Variants in AFF3 observed in about 807,000 individuals in gnomAD.
The protein encoded by AFF3 is AF4/FMR2 family member 3.
Under a neutral mutation model 129.7 loss-of-function variants are expected in AFF3, and 32 were observed. The ratio of observed to expected loss-of-function variants is 0.25; its 90% confidence interval spans 0.19 to 0.33. The LOEUF is 0.33. Among genes scored for constraint, AFF3 ranks in the 10% least tolerant of loss-of-function variants. The pLI is 1.00. For synonymous variants in AFF3, 644 were observed against 635.4 expected (o/e 1.01, Z -0.20); for missense variants, 1,373 against 1,592.0 (o/e 0.86, Z 2.34).
intron 4 of AFF3, among the ~76,000 whole-genome samples, chr2:100,073,386 C>T (rs1414627567): frequency 6.6e-6 from 1 of 152,174 alleles, no homozygotes; most frequent in East Asian, 1.9e-4. Flanking sequence ...CAGCATCCAC[C>T]AGAAGCTGGA....
intron 7 of AFF3, among the ~76,000 whole-genome samples, chr2:99,844,134 G>A (rs1689530576): frequency 6.6e-6 from 1 of 152,146 alleles, no homozygotes; most frequent in Non-Finnish European, 1.5e-5. Flanking sequence ...AAGGGACTGA[G>A]CTAGACTTCT....
At chr2:99,681,626 G>A (rs886709187) in intron 11 of AFF3, among the ~76,000 whole-genome samples, 2 of 152,122 alleles carry the variant, frequency 1.3e-5, no homozygotes, top group African/African-American at 4.8e-5. Flanking sequence ...GAGCTCTTTC[G>A]ACTTTGTGTC....
intron 7 of AFF3, among the ~76,000 whole-genome samples, chr2:99,888,986 C>T (rs1393068036): frequency 2.0e-5 from 3 of 152,156 alleles, no homozygotes; most frequent in Non-Finnish European, 4.4e-5. Context: ...ATTTGACTGC[C>T]ATAAAAATAA....
Position 99,776,922 on chromosome 2 carries a change from G to C in AFF3, c.922-24621C>G, listed in dbSNP as rs79772480. Among the ~76,000 whole-genome samples, 1,483 of 152,244 alleles carry C rather than the reference G, an allele frequency of 9.7e-3. 19 individuals carry two copies. Among genetic ancestry groups the C allele is most frequent in the African/African-American group, 0.031 (1,276 of 41,536 alleles). ...CTACATGAGTTGATGAAGAGTTTGT[G>C]GGGGGCACTGGGCCGAGCATGTCAA... On this transcript the variant is annotated intron_variant, in intron 8 of 24. Transcript: ENST00000672756.
At chr2:100,026,861 A>G (rs1327790904) in intron 4 of AFF3, among the ~76,000 whole-genome samples, 2 of 149,602 alleles carry the variant, frequency 1.3e-5, no homozygotes, top group East Asian at 2.0e-4. Context: ...GTTCTCACAG[A>G]TATGTGGGAG....
chr2:100,038,655 A>T (rs1241737973), intron 4 of AFF3, among the ~76,000 whole-genome samples: 1 of 152,108 alleles, frequency 6.6e-6, no homozygotes, highest in Non-Finnish European at 1.5e-5. Context: ...CACATAACGA[A>T]GCATTTAAAT....
At chr2:99,707,603 G>A in intron 11 of AFF3, 1 of 984,700 alleles carries the variant, frequency 1.0e-6, no homozygotes, top group African/African-American at 1.7e-5. Context: ...ACAAGTTGTG[G>A]TATTTTAACA....
chr2:99,962,519 C>T (rs1677326288), intron 7 of AFF3, among the ~76,000 whole-genome samples: 1 of 152,088 alleles, frequency 6.6e-6, no homozygotes, highest in Non-Finnish European at 1.5e-5. Context: ...GAACTATAAA[C>T]TATCTTGAAA....
At chr2:99,646,676 G>C (rs1235734302) in intron 13 of AFF3, among the ~76,000 whole-genome samples, 1 of 152,158 alleles carries the variant, frequency 6.6e-6, no homozygotes, top group Admixed American at 6.5e-5. Flanking sequence ...CTGGCAGCCA[G>C]AACATTAGGC....
intron 18 of AFF3, among the ~76,000 whole-genome samples, chr2:99,570,329 T>C (rs1055127085): frequency 1.1e-4 from 16 of 152,160 alleles, no homozygotes; most frequent in African/African-American, 3.9e-4. Context: ...ACTCTGGCAA[T>C]TGATGTTATT....
intron 14 of AFF3, among the ~76,000 whole-genome samples, chr2:99,598,798 C>T (rs1043822690): frequency 1.3e-5 from 2 of 152,222 alleles, no homozygotes; most frequent in African/African-American, 4.8e-5. Context: ...CTCCGCCAGA[C>T]CAGGCAGCAC....
At chr2:99,999,252 G>A (rs916115179) in intron 7 of AFF3, among the ~76,000 whole-genome samples, 2 of 152,106 alleles carry the variant, frequency 1.3e-5, no homozygotes, top group African/African-American at 2.4e-5. Flanking sequence ...TTTCCATTTC[G>A]CTTTGTAACA....
At chr2:99,661,353 A>G (rs888256945) in intron 12 of AFF3, among the ~76,000 whole-genome samples, 16 of 152,256 alleles carry the variant, frequency 1.1e-4, no homozygotes, top group Non-Finnish European at 2.2e-4. Context: ...GATACCCACC[A>G]TTAACAAAAA....
intron 13 of AFF3, among the ~76,000 whole-genome samples, chr2:99,621,000 C>A (rs888246705): frequency 2.0e-5 from 3 of 152,230 alleles, no homozygotes; most frequent in East Asian, 3.8e-4. Flanking sequence ...CCAAATAAAT[C>A]TCTTTTCTTT....
rs370971454 is a variant in AFF3 at position 99,594,020 on chromosome 2, C to T, written c.1641G>A (p.Gln547=). 1 of 1,587,660 alleles carries T rather than the reference C, an allele frequency of 6.3e-7. No individual in the cohort carries two copies. The highest frequency in any genetic ancestry group is 8.6e-7 in the Non-Finnish European group (1 of 1,165,716). ...NKAPGSKGVK[Q]KSPPAAVAVA... ...CGGCCACGGCCGCGGGCGGGGACTTCTGCTTCACGCCTTTACTCCCAGGGG... is the reference window on the plus strand; with the variant it reads ...CGGCCACGGCCGCGGGCGGGGACTTTTGCTTCACGCCTTTACTCCCAGGGG... The change falls in exon 15 of 25, where the codon CAG becomes CAA. Residue 547 remains glutamine (Q), a synonymous_variant. Coordinates refer to ENST00000672756, the MANE Select transcript of AFF3 (RefSeq NM_001386135.1).
intron 8 of AFF3, among the ~76,000 whole-genome samples, chr2:99,776,463 A>C (rs188528785): frequency 2.6e-5 from 4 of 152,358 alleles, no homozygotes; most frequent in African/African-American, 9.6e-5. Flanking sequence ...GCAACACTGA[A>C]GAATTTTTAA....
intron 4 of AFF3, among the ~76,000 whole-genome samples, chr2:100,016,118 C>T (rs578123251): frequency 3.5e-3 from 430 of 123,048 alleles, no homozygotes; most frequent in Non-Finnish European, 5.1e-3. Context: ...GTGGTGGTAG[C>T]AATGGTGATG....
At chr2:99,941,989 T>C (rs11897706) in intron 7 of AFF3, among the ~76,000 whole-genome samples, 23,822 of 152,162 alleles carry the variant, frequency 0.16, 2,199 homozygotes, top group African/African-American at 0.24. Flanking sequence ...ACTGAATGAG[T>C]GTACACTGAA....
chr2:99,717,409 T>C (rs1678496258), intron 11 of AFF3, among the ~76,000 whole-genome samples: 1 of 152,230 alleles, frequency 6.6e-6, no homozygotes, highest in African/African-American at 2.4e-5. Flanking sequence ...ATTTTTAATT[T>C]GAGCCATTCT....
Sources: allele counts gnomAD v4.1 joint callset (sites outside exome capture counted in the v4.1 genomes callset), GRCh38; gene constraint gnomAD v4.1.1; transcripts MANE v1.5; gene names NCBI Gene and HGNC (gene_info 2026-07-23, HGNC 2026-07-21).